The following DPYD variants were observed in gnomAD, a reference collection of about 807,000 sequenced individuals.
DPYD encodes the protein dihydropyrimidine dehydrogenase [NADP(+)].
In DPYD, 109 loss-of-function variants were observed where a neutral mutation model predicts 116.2. The observed-to-expected ratio is 0.94, with a 90% CI of 0.80 to 1.10. DPYD has a LOEUF of 1.10. Ranked by LOEUF, DPYD falls within the 50% of genes least tolerant of loss-of-function variation. The probability of loss-of-function intolerance (pLI) is 0.00; values close to 1 mark genes in which losing one functional copy is unlikely to be tolerated. For missense variants in DPYD, 1,302 were observed against 1,254.5 expected (o/e 1.04, Z -0.57); for synonymous variants, 440 against 432.0 (o/e 1.02, Z -0.23).
At chr1:97,769,556 G>A (rs953303527) in intron 3 of DPYD, among the ~76,000 whole-genome samples, 4 of 152,102 alleles carry the variant, frequency 2.6e-5, no homozygotes, top group African/African-American at 9.7e-5. Flanking sequence ...TTTTCAAAGA[G>A]TAGGACAAGA....
intron 1 of DPYD, among the ~76,000 whole-genome samples, chr1:97,910,199 A>G (rs1673866995): frequency 6.6e-6 from 1 of 152,018 alleles, no homozygotes. Context: ...TTTTTTTACT[A>G]TTGTTCCTCC....
intron 5 of DPYD, among the ~76,000 whole-genome samples, chr1:97,711,803 C>CT (rs1662302076): frequency 1.3e-5 from 2 of 151,510 alleles, no homozygotes; most frequent in African/African-American, 4.8e-5. Flanking sequence ...TATTATAAAA[C>CT]TTTTTTTTAC....
intron 8 of DPYD, among the ~76,000 whole-genome samples, chr1:97,650,189 T>C (rs893231397): frequency 1.3e-5 from 2 of 152,040 alleles, no homozygotes; most frequent in Non-Finnish European, 2.9e-5. Flanking sequence ...TGTGATGTGT[T>C]GTACTGAATG....
chr1:97,306,690 A>G (rs1667193211), intron 16 of DPYD, among the ~76,000 whole-genome samples: 1 of 152,002 alleles, frequency 6.6e-6, no homozygotes, highest in African/African-American at 2.4e-5. Context: ...AATAAAAAAT[A>G]TTTAAAACTG....
intron 12 of DPYD, among the ~76,000 whole-genome samples, chr1:97,525,148 C>T (rs1648958948): frequency 6.6e-6 from 1 of 152,106 alleles, no homozygotes; most frequent in African/African-American, 2.4e-5. Context: ...CTGAATTTAC[C>T]ACAATAACCT....
chr1:97,583,656 T>G (rs1653864620), intron 10 of DPYD, among the ~76,000 whole-genome samples: 2 of 151,728 alleles, frequency 1.3e-5, no homozygotes, highest in South Asian at 4.2e-4. Flanking sequence ...TTTCCTTTTT[T>G]TTTTTTTTTT....
intron 13 of DPYD, among the ~76,000 whole-genome samples, chr1:97,473,068 C>G (rs909401468): frequency 1.3e-5 from 2 of 152,180 alleles, no homozygotes; most frequent in Non-Finnish European, 2.9e-5. Flanking sequence ...ATCCCCAGAA[C>G]ATATTCATCT....
Position 97,079,064 on chromosome 1 carries a change from G to A in DPYD, c.2990C>T (p.Pro997Leu), listed in dbSNP as rs1258973993. 2 of 1,613,760 alleles carry A rather than the reference G, an allele frequency of 1.2e-6. No individual in the cohort carries two copies. ...AACCATTTTGATGCAGTCGACAATAGGGCAAACACTGAGACACAGAGTACA... is the reference window on the plus strand; with the variant it reads ...AACCATTTTGATGCAGTCGACAATAAGGCAAACACTGAGACACAGAGTACA... ...TGCTLCLSVC[P>L]IVDCIKMVSR... is the part of the protein sequence containing the mutation. Residue 997 changes from proline (P) to leucine (L), a missense_variant, in exon 23 of 23, where the codon CCT (proline) becomes CTT (leucine). Physicochemically the swap from Pro to Leu is moderately conservative, Grantham distance 98 (BLOSUM62 -3). Transcript: ENST00000370192.
chr1:97,794,078 C>T (rs1022948044), intron 3 of DPYD, among the ~76,000 whole-genome samples: 1 of 152,092 alleles, frequency 6.6e-6, no homozygotes, highest in Admixed American at 6.6e-5. Context: ...GCTGGGACTA[C>T]AGGCATGCGC....
At chr1:97,637,099 T>C (rs948639747) in intron 8 of DPYD, among the ~76,000 whole-genome samples, 4 of 152,134 alleles carry the variant, frequency 2.6e-5, no homozygotes, top group African/African-American at 9.7e-5. Context: ...CTGCCATAAA[T>C]TCCATCTTCT....
intron 8 of DPYD, among the ~76,000 whole-genome samples, chr1:97,659,463 C>T (rs1659128772): frequency 1.3e-5 from 2 of 152,076 alleles, no homozygotes. Context: ...ATTTGATTAT[C>T]TGTATTGCTC....
chr1:97,898,454 A>T (rs954750376), intron 1 of DPYD, among the ~76,000 whole-genome samples: 1 of 151,920 alleles, frequency 6.6e-6, no homozygotes, highest in Non-Finnish European at 1.5e-5. Flanking sequence ...AAACTCTCTC[A>T]AGAGGATAAA....
intron 13 of DPYD, among the ~76,000 whole-genome samples, chr1:97,495,363 T>C (rs1256692866): frequency 1.3e-5 from 2 of 152,148 alleles, no homozygotes; most frequent in African/African-American, 2.4e-5. Context: ...TCAGGCAGTG[T>C]CCTTTCTTTG....
intron 18 of DPYD, among the ~76,000 whole-genome samples, chr1:97,238,786 T>A (rs1299779661): frequency 6.6e-6 from 1 of 152,140 alleles, no homozygotes; most frequent in Non-Finnish European, 1.5e-5. Flanking sequence ...AAGGTTTAAA[T>A]CAAGAAATTG....
intron 3 of DPYD, among the ~76,000 whole-genome samples, chr1:97,800,392 G>A (rs904811130): frequency 1.8e-4 from 27 of 151,944 alleles, no homozygotes; most frequent in African/African-American, 6.3e-4. Flanking sequence ...CCTAAGTCTA[G>A]ATGAAAATAT....
Position 97,098,541 on chromosome 1 carries a change from GA to G in DPYD, c.2713del (p.Ser905HisfsTer20). On this transcript the variant is annotated frameshift_variant, in exon 21 of 23. Transcript: ENST00000370192. LOFTEE classifies it high-confidence loss of function. ...IRLKEQNVAF[S>X]PLKRNCFIPK... ...GATAAAACAGTTTCTCTTAAGTGGT[GA>G]AAAAGCTACATTTTGTTCTTTCAGT... 2 of 1,613,168 alleles carry G rather than the reference GA, an allele frequency of 1.2e-6. No individual in the cohort carries two copies. Among genetic ancestry groups the G allele is most frequent in the Non-Finnish European group, 8.5e-7 (1 of 1,179,456 alleles).
chr1:97,719,719 C>T (rs904748121), intron 5 of DPYD: 62 of 984,888 alleles, frequency 6.3e-5, no homozygotes, highest in Non-Finnish European at 7.4e-5. Flanking sequence ...ATCAGGCACC[C>T]TAATCGGCCA....
chr1:97,166,090 A>T (rs532230758), intron 20 of DPYD, among the ~76,000 whole-genome samples: 1 of 152,300 alleles, frequency 6.6e-6, no homozygotes, highest in South Asian at 2.1e-4. Context: ...TACCCAAAAG[A>T]ATATAAATTA....
intron 3 of DPYD, among the ~76,000 whole-genome samples, chr1:97,799,267 C>A (rs1667736565): frequency 6.6e-6 from 1 of 151,848 alleles, no homozygotes; most frequent in South Asian, 2.1e-4. Flanking sequence ...AATGGTTAGC[C>A]AGTCACATTA....
Sources: allele counts gnomAD v4.1 joint callset (sites outside exome capture counted in the v4.1 genomes callset), GRCh38; gene constraint gnomAD v4.1.1; transcripts MANE v1.5; gene names NCBI Gene and HGNC (gene_info 2026-07-23, HGNC 2026-07-21).